The following NCKAP5 variants were observed in gnomAD, a reference collection of about 807,000 sequenced individuals.
NCKAP5 encodes the protein NCK associated protein 5, also known as nck-associated protein 5.
A neutral mutation model predicts 167.0 loss-of-function variants in NCKAP5; 92 were observed. That is an observed-to-expected ratio of 0.55 (90% CI 0.47 to 0.66). The LOEUF is 0.66. NCKAP5 is among the 30% of genes least tolerant of loss of function. NCKAP5 has a pLI of 0.00. For missense variants in NCKAP5, 2,378 were observed against 2,315.0 expected (o/e 1.03, Z -0.56); for synonymous variants, 891 against 877.4 (o/e 1.02, Z -0.27).
At chr2:132,970,557 T>C (rs1196510961) in intron 7 of NCKAP5, among the ~76,000 whole-genome samples, 8 of 152,182 alleles carry the variant, frequency 5.3e-5, no homozygotes, top group African/African-American at 1.9e-4. Context: ...CTTGTTTACC[T>C]CAACAAATAC....
At chr2:132,778,580 T>A (rs889328041) in intron 15 of NCKAP5, among the ~76,000 whole-genome samples, 1 of 152,164 alleles carries the variant, frequency 6.6e-6, no homozygotes, top group African/African-American at 2.4e-5. Flanking sequence ...AAACAGTGGT[T>A]TTATTTAGAA....
upstream of NCKAP5, among the ~76,000 whole-genome samples, chr2:133,570,107 G>T (rs147716809): frequency 6.6e-6 from 1 of 152,220 alleles, no homozygotes; most frequent in East Asian, 1.9e-4. Context: ...GAAGTAGGTT[G>T]TTGCTTACTG....
the NCKAP5 span, among the ~76,000 whole-genome samples, chr2:133,599,161 G>A: frequency 1.3e-5 from 2 of 152,220 alleles, no homozygotes; most frequent in Admixed American, 1.3e-4. Context: ...TAAGTTCACA[G>A]CTACTGAAAG....
chr2:133,340,209 G>A (rs1040741604), intron 3 of NCKAP5, among the ~76,000 whole-genome samples: 1 of 152,158 alleles, frequency 6.6e-6, no homozygotes, highest in Non-Finnish European at 1.5e-5. Flanking sequence ...CAACTACCTT[G>A]AGCTGACTAG....
At chr2:132,899,819 G>A (rs1010187165) in intron 8 of NCKAP5, among the ~76,000 whole-genome samples, 1 of 152,174 alleles carries the variant, frequency 6.6e-6, no homozygotes, top group Non-Finnish European at 1.5e-5. Flanking sequence ...AGGCTGCAGT[G>A]AGCTGGGATT....
intron 11 of NCKAP5, among the ~76,000 whole-genome samples, chr2:132,811,951 T>C (rs921748918): frequency 5.3e-5 from 8 of 152,226 alleles, no homozygotes. Flanking sequence ...GCCTTTCTGC[T>C]GCTTCTTCTA....
At chr2:133,126,545 G>C (rs2082410344) in intron 6 of NCKAP5, among the ~76,000 whole-genome samples, 1 of 152,148 alleles carries the variant, frequency 6.6e-6, no homozygotes, top group South Asian at 2.1e-4. Flanking sequence ...CAACTTTCCA[G>C]ATATAAGTGA....
At chr2:132,947,924 C>A (rs1697882912) in intron 8 of NCKAP5, among the ~76,000 whole-genome samples, 1 of 152,100 alleles carries the variant, frequency 6.6e-6, no homozygotes, top group Non-Finnish European at 1.5e-5. Flanking sequence ...ATGAAATTAA[C>A]CCCAGTGCTG....
At chr2:133,420,899 G>A (rs1386498158) in intron 3 of NCKAP5, among the ~76,000 whole-genome samples, 2 of 152,124 alleles carry the variant, frequency 1.3e-5, no homozygotes, top group Non-Finnish European at 1.5e-5. Flanking sequence ...CAGCAGTCAC[G>A]CAGCGTTTTC....
intron 8 of NCKAP5, 94 bp downstream of exon 8, chr2:132,963,626 G>T: frequency 1.5e-6 from 2 of 1,299,480 alleles, no homozygotes; most frequent in Non-Finnish European, 1.1e-6. Flanking sequence ...GAACTCAAAA[G>T]GGAAGATTTA....
chr2:133,236,445 A>C (rs940421003), intron 4 of NCKAP5, among the ~76,000 whole-genome samples: 7 of 152,304 alleles, frequency 4.6e-5, no homozygotes, highest in African/African-American at 1.7e-4. Flanking sequence ...TGACCTGTGA[A>C]GTGACCAGCA....
At chr2:133,491,470 A>C (rs1681436699) in intron 3 of NCKAP5, among the ~76,000 whole-genome samples, 1 of 152,172 alleles carries the variant, frequency 6.6e-6, no homozygotes, top group Non-Finnish European at 1.5e-5. Context: ...GTTATGATTA[A>C]ATCCAAGATC....
chr2:133,028,043 G>GT (rs1210550679), intron 6 of NCKAP5, among the ~76,000 whole-genome samples: 1 of 152,144 alleles, frequency 6.6e-6, no homozygotes, highest in East Asian at 1.9e-4. Flanking sequence ...GGAGTATTTT[G>GT]TATTTCAGAT....
At chr2:132,760,311 T>C (rs1680895150) in intron 16 of NCKAP5, among the ~76,000 whole-genome samples, 1 of 152,202 alleles carries the variant, frequency 6.6e-6, no homozygotes, top group South Asian at 2.1e-4. Flanking sequence ...ATTATTTTTT[T>C]CTAGCCTTGG....
At chr2:132,986,306 T>C (rs1406362789) in intron 7 of NCKAP5, among the ~76,000 whole-genome samples, 1 of 152,150 alleles carries the variant, frequency 6.6e-6, no homozygotes. Flanking sequence ...AAGGTTATGG[T>C]GAAATGAATA....
chr2:132,679,055 A>G (rs1305159347), intron 19 of NCKAP5, among the ~76,000 whole-genome samples: 1 of 152,108 alleles, frequency 6.6e-6, no homozygotes, highest in African/African-American at 2.4e-5. Context: ...GTTCTCAATG[A>G]CTTAAAAAAA....
chr2:132,710,897 G>A (rs558914363), intron 19 of NCKAP5, among the ~76,000 whole-genome samples: 23 of 152,150 alleles, frequency 1.5e-4, no homozygotes, highest in Admixed American at 1.0e-3. Flanking sequence ...AAAAAGATCC[G>A]TCTTTTTAAC....
At chr2:132,686,513 T>C (rs1377356753) in intron 19 of NCKAP5, among the ~76,000 whole-genome samples, 1 of 152,216 alleles carries the variant, frequency 6.6e-6, no homozygotes. Flanking sequence ...GTCTCCCTTG[T>C]AGGGACTGAA....
At chr2:133,063,552 C>T (rs1205408350) in intron 6 of NCKAP5, among the ~76,000 whole-genome samples, 6 of 152,148 alleles carry the variant, frequency 3.9e-5, no homozygotes, top group East Asian at 3.8e-4. Context: ...TTTTATGTGA[C>T]GAAAAGCTGA....
Sources: gnomAD v4.1 joint callset for allele counts (sites outside exome capture counted in the v4.1 genomes callset) on GRCh38, gnomAD v4.1.1 for gene constraint, MANE v1.5 for transcripts, NCBI Gene and HGNC (gene_info 2026-07-23, HGNC 2026-07-21) for gene names.